PLGRKT: variants seen among roughly 807,000 people sequenced by gnomAD.
PLGRKT encodes the protein plasminogen receptor (KT).
Under a neutral mutation model 18.5 loss-of-function variants are expected in PLGRKT, and 22 were observed. The ratio of observed to expected loss-of-function variants is 1.19; its 90% CI spans 0.85 to 1.70. The LOEUF is 1.70. PLGRKT is among the 40% of genes most tolerant of loss of function. The pLI is 0.00. For missense variants in PLGRKT, 235 were observed against 174.4 expected (o/e 1.35, Z -1.96); for synonymous variants, 72 against 52.8 (o/e 1.36, Z -1.58).
chr9:5,437,508 G>T (rs1474065617), intron 1 of PLGRKT: 4 of 152,266 alleles, frequency 2.6e-5, no homozygotes, highest in Non-Finnish European at 4.4e-5. Flanking sequence ...CCCCGCAATA[G>T]TGTGCTGATT....
intron 5 of PLGRKT, among the ~76,000 whole-genome samples, chr9:5,359,940 T>A (rs1817226717): frequency 6.6e-6 from 1 of 152,252 alleles, no homozygotes; most frequent in East Asian, 1.9e-4. Flanking sequence ...AAAATGTACA[T>A]AAAATTCCAC....
intron 3 of PLGRKT, among the ~76,000 whole-genome samples, chr9:5,376,445 TACTA>T (rs1335998873): frequency 6.6e-6 from 1 of 152,228 alleles, no homozygotes; most frequent in African/African-American, 2.4e-5. Context: ...TGGGTAATAA[TACTA>T]ACTACCTCTG....
chr9:5,418,047 C>A lies in PLGRKT; in HGVS notation c.81+13850G>T, dbSNP rs910031647. Among the ~76,000 whole-genome samples the A allele has an allele frequency of 6.6e-6, 1 of 152,064 alleles. No individual in the cohort carries two copies. The highest frequency in any genetic ancestry group is 1.5e-5 in the Non-Finnish European group (1 of 68,008). Reference sequence around the variant, plus strand: ...CATTGTACGCACTTGTGGAGTTTAACGTCTAAGTAGAATATGTCTATCTCG... The same window carrying A: ...CATTGTACGCACTTGTGGAGTTTAAAGTCTAAGTAGAATATGTCTATCTCG... On this transcript the variant is annotated intron_variant, in intron 3 of 5. Coordinates refer to ENST00000223864, the MANE Select transcript of PLGRKT (RefSeq NM_018465.4). This position sits in a 1 kb window ranked among gnomAD's most constrained non-coding sequence, Gnocchi z 4.2.
intron 3 of PLGRKT, among the ~76,000 whole-genome samples, chr9:5,391,291 G>C (rs751821366): frequency 2.6e-5 from 4 of 151,910 alleles, no homozygotes; most frequent in Non-Finnish European, 5.9e-5. Context: ...TGGTTTCTTG[G>C]AGTGGAAAAG....
At chr9:5,429,898 T>C (rs1818786796) in intron 3 of PLGRKT, among the ~76,000 whole-genome samples, 1 of 152,070 alleles carries the variant, frequency 6.6e-6, no homozygotes, top group African/African-American at 2.4e-5. Context: ...GTCTGACATC[T>C]CCATTTTGGG....
intron 3 of PLGRKT, among the ~76,000 whole-genome samples, chr9:5,431,547 AAAAAAAAG>A (rs1308878090): frequency 9.3e-5 from 14 of 150,576 alleles, no homozygotes; most frequent in African/African-American, 3.2e-4. Flanking sequence ...AAAAAAAAAA[AAAAAAAAG>A]ACAGACCCTT....
intron 3 of PLGRKT, among the ~76,000 whole-genome samples, chr9:5,374,306 G>A (rs183410569): frequency 6.6e-6 from 1 of 152,224 alleles, no homozygotes; most frequent in African/African-American, 2.4e-5. Flanking sequence ...TTCTGTTCTT[G>A]GTTTCTTCCC....
intron 3 of PLGRKT, among the ~76,000 whole-genome samples, chr9:5,430,730 C>G (rs1021800392): frequency 1.3e-5 from 2 of 152,210 alleles, no homozygotes; most frequent in Non-Finnish European, 2.9e-5. Context: ...AGCTACATGC[C>G]TTACCAGAGG....
At chr9:5,360,982 T>C in intron 5 of PLGRKT, 96 bp downstream of exon 5, 5 of 700,728 alleles carry the variant, frequency 7.1e-6, no homozygotes, top group South Asian at 3.5e-5. Flanking sequence ...GAGAGAGTCT[T>C]GTCAGAATCT....
chr9:5,421,202 C>T (rs1290191783), intron 3 of PLGRKT, among the ~76,000 whole-genome samples: 1 of 152,224 alleles, frequency 6.6e-6, no homozygotes, highest in Non-Finnish European at 1.5e-5. Context: ...GTTCTTCCAA[C>T]TCACCACGAG....
intron 3 of PLGRKT, among the ~76,000 whole-genome samples, chr9:5,402,071 G>C (rs1377134739): frequency 1.3e-5 from 2 of 151,854 alleles, no homozygotes; most frequent in East Asian, 3.9e-4. Context: ...AAAATTGCTA[G>C]AAAACTTGTT....
At position 5,401,107 on chromosome 9, in the gene PLGRKT, T is replaced by C. The variant is rs1440224337; in HGVS notation, c.81+30790A>G. ...CTGCTGGCCTTAATTATTACTATTA[T>C]TTTGCCGGGACAGGTGGCCAATAGG... On this transcript the variant is annotated intron_variant, in intron 3 of 5. Coordinates refer to ENST00000223864, the MANE Select transcript of PLGRKT (RefSeq NM_018465.4). Among the ~76,000 whole-genome samples the C allele has an allele frequency of 2.6e-5, 4 of 151,920 alleles. 1 individual carries two copies. Among genetic ancestry groups the C allele is most frequent in the African/African-American group, 9.7e-5 (4 of 41,208 alleles).
At chr9:5,372,070 C>T (rs994597813) in intron 3 of PLGRKT, among the ~76,000 whole-genome samples, 1 of 140,888 alleles carries the variant, frequency 7.1e-6, no homozygotes, top group East Asian at 2.1e-4. Context: ...CAACTTCCGC[C>T]TCTTGGGTTC....
intron 3 of PLGRKT, among the ~76,000 whole-genome samples, chr9:5,416,042 A>G (rs1354405558): frequency 6.6e-6 from 1 of 152,044 alleles, no homozygotes; most frequent in Non-Finnish European, 1.5e-5. Context: ...TAAATTGTTA[A>G]TATTAGAGAA....
chr9:5,370,516 T>C (rs1817493446), intron 3 of PLGRKT, among the ~76,000 whole-genome samples: 1 of 152,234 alleles, frequency 6.6e-6, no homozygotes, highest in South Asian at 2.1e-4. Context: ...ATCAGTTTAC[T>C]ACTATGTTTT....
At chr9:5,376,653 T>A (rs1192200287) in intron 3 of PLGRKT, among the ~76,000 whole-genome samples, 3 of 152,180 alleles carry the variant, frequency 2.0e-5, no homozygotes, top group Non-Finnish European at 4.4e-5. Context: ...ATCATCATCA[T>A]CATCATCCCT....
At chr9:5,363,767 G>A (rs953675202) in intron 3 of PLGRKT, among the ~76,000 whole-genome samples, 5 of 152,182 alleles carry the variant, frequency 3.3e-5, no homozygotes, top group Non-Finnish European at 7.3e-5. Context: ...CGGAGAAGGG[G>A]AGGAGGAAAG....
At chr9:5,382,031 C>T in intron 3 of PLGRKT, 3 of 984,816 alleles carry the variant, frequency 3.0e-6, no homozygotes, top group South Asian at 9.4e-5. Flanking sequence ...AAATGTGCAC[C>T]CTGAAAAAAA....
intron 3 of PLGRKT, among the ~76,000 whole-genome samples, chr9:5,368,855 GA>G (rs1817453486): frequency 6.6e-6 from 1 of 152,170 alleles, no homozygotes; most frequent in South Asian, 2.1e-4. Flanking sequence ...AAGCAATGGG[GA>G]AAGGATTCCC....
Sources: allele counts gnomAD v4.1 joint callset (sites outside exome capture counted in the v4.1 genomes callset), GRCh38; gene constraint gnomAD v4.1.1; non-coding constraint Gnocchi (gnomAD v3.1); transcripts MANE v1.5; gene names NCBI Gene and HGNC (gene_info 2026-07-23, HGNC 2026-07-21).